The following CEP57L1 variants were observed in gnomAD, a reference collection of about 807,000 sequenced individuals.
CEP57L1 encodes the protein centrosomal protein CEP57L1.
CEP57L1 carries 37 observed loss-of-function variants against 61.0 expected under a neutral mutation model. The observed-to-expected ratio is 0.61, with a 90% CI of 0.47 to 0.80. The LOEUF (loss-of-function observed/expected upper bound fraction) is 0.80, where lower values mean the gene tolerates loss of function less well. CEP57L1 is among the 30% of genes least tolerant of loss of function. The probability of loss-of-function intolerance (pLI) is 0.00; values close to 1 mark genes in which losing one functional copy is unlikely to be tolerated. For missense variants in CEP57L1, 422 were observed against 524.7 expected (o/e 0.80, Z 1.91); for synonymous variants, 137 against 162.3 (o/e 0.84, Z 1.19).
At chr6:109,146,647 C>T (rs894696079) in intron 2 of CEP57L1, 111 bp from the exon 3 acceptor site, 3 of 672,760 alleles carry the variant, frequency 4.5e-6, no homozygotes, top group Non-Finnish European at 4.8e-6. Flanking sequence ...ATTACTTGTA[C>T]ATTTTTCTGG....
chr6:109,154,536 A>G (rs1773016122), intron 5 of CEP57L1, among the ~76,000 whole-genome samples: 1 of 152,008 alleles, frequency 6.6e-6, no homozygotes, highest in South Asian at 2.1e-4. Flanking sequence ...TTCTTTTCAT[A>G]CAATACAGGT....
At chr6:109,130,746 T>C (rs1246889451) in intron 1 of CEP57L1, 1 of 151,904 alleles carries the variant, frequency 6.6e-6, no homozygotes, top group Non-Finnish European at 1.5e-5. Context: ...ATTCAGGTTA[T>C]GCTTTCTGGC....
chr6:109,123,405 TACTTA>T (rs1466248662), intron 1 of CEP57L1, among the ~76,000 whole-genome samples: 2 of 152,214 alleles, frequency 1.3e-5, no homozygotes, highest in African/African-American at 2.4e-5. Context: ...CTGGGCAAGT[TACTTA>T]ACTTCTCAGA....
At chr6:109,112,702 T>C (rs1771807412) in intron 1 of CEP57L1, among the ~76,000 whole-genome samples, 3 of 152,240 alleles carry the variant, frequency 2.0e-5, no homozygotes, top group South Asian at 2.1e-4. Flanking sequence ...GAGATTCTGG[T>C]ACGTTGTGTC....
At chr6:109,131,356 C>A (rs1214923913) in intron 1 of CEP57L1, among the ~76,000 whole-genome samples, 1 of 151,944 alleles carries the variant, frequency 6.6e-6, no homozygotes, top group Admixed American at 6.6e-5. Context: ...ACTGTTTGTT[C>A]TATTATCTGA....
At chr6:109,141,501 A>G (rs998672466) in intron 1 of CEP57L1, among the ~76,000 whole-genome samples, 4 of 152,096 alleles carry the variant, frequency 2.6e-5, no homozygotes, top group African/African-American at 7.2e-5. Context: ...TTCTAACATC[A>G]TTTATTGGAT....
chr6:109,159,937 G>T (rs1773572951), intron 9 of CEP57L1, among the ~76,000 whole-genome samples: 1 of 152,096 alleles, frequency 6.6e-6, no homozygotes, highest in African/African-American at 2.4e-5. Flanking sequence ...TTAGCTGAAT[G>T]AATTATTTCA....
chr6:109,108,758 G>A (rs1771225586), intron 1 of CEP57L1, among the ~76,000 whole-genome samples: 1 of 152,076 alleles, frequency 6.6e-6, no homozygotes, highest in South Asian at 2.1e-4. Context: ...AAAAGGCGAA[G>A]GATTTATATG....
At chr6:109,138,382 A>G (rs1044384147) in intron 1 of CEP57L1, among the ~76,000 whole-genome samples, 41 of 152,154 alleles carry the variant, frequency 2.7e-4, no homozygotes, top group African/African-American at 9.4e-4. Flanking sequence ...TTGAAGGTAG[A>G]GCTAGTATGT....
At chr6:109,106,653 G>T (rs1029265434) in intron 1 of CEP57L1, among the ~76,000 whole-genome samples, 1 of 152,102 alleles carries the variant, frequency 6.6e-6, no homozygotes. Context: ...TCAAGACCAG[G>T]CATGATAGCT....
chr6:109,117,873 C>CT (rs1201253337), intron 1 of CEP57L1, among the ~76,000 whole-genome samples: 1 of 152,184 alleles, frequency 6.6e-6, no homozygotes, highest in Non-Finnish European at 1.5e-5. Flanking sequence ...CTGTGCTCCT[C>CT]TATTTTGGCT....
intron 1 of CEP57L1, among the ~76,000 whole-genome samples, chr6:109,134,969 G>T (rs959150395): frequency 6.6e-6 from 1 of 152,116 alleles, no homozygotes; most frequent in Non-Finnish European, 1.5e-5. Context: ...AATCAATATC[G>T]TGAAAATGGC....
At chr6:109,143,908 T>C (rs1240639286) in intron 1 of CEP57L1, among the ~76,000 whole-genome samples, 1 of 152,154 alleles carries the variant, frequency 6.6e-6, no homozygotes, top group Admixed American at 6.5e-5. Context: ...TACAACCATC[T>C]TCAGGATTTA....
At chr6:109,158,930 T>G in intron 7 of CEP57L1, 95 bp from the exon 8 acceptor site, 1 of 1,252,602 alleles carries the variant, frequency 8.0e-7, no homozygotes, top group East Asian at 2.4e-5. Context: ...CATTTTCCAG[T>G]TGCATTGTTT....
At chr6:109,132,740 C>T (rs1192342532) in intron 1 of CEP57L1, among the ~76,000 whole-genome samples, 5 of 152,068 alleles carry the variant, frequency 3.3e-5, no homozygotes, top group South Asian at 4.1e-4. Flanking sequence ...TACTTATGTT[C>T]TCATAGTTCT....
At chr6:109,159,546 C>A in intron 9 of CEP57L1, 84 bp downstream of exon 9, 2 of 1,301,186 alleles carry the variant, frequency 1.5e-6, no homozygotes, top group Non-Finnish European at 2.1e-6. Flanking sequence ...TGGTTTCAGG[C>A]AATCCTCCTG....
rs765576418 is a variant in CEP57L1, at chr6:109,173,214, T to A, written c.*10244T>A. Among the ~76,000 whole-genome samples, 120 of 152,304 alleles carry A rather than the reference T, an allele frequency of 7.9e-4. 2 individuals carry two copies. Among genetic ancestry groups the A allele is most frequent in the Non-Finnish European group, 6.3e-4 (43 of 68,028 alleles). On this transcript the variant is annotated 3_prime_UTR_variant, in exon 11 of 11. Coordinates refer to ENST00000517392, the MANE Select transcript of CEP57L1 (RefSeq NM_001271852.3). ...TTGTGTCATTTTCTACAGTATTATTTTTGCATTTTCCTGACACTGTATTAC... is the reference window on the plus strand; with the variant it reads ...TTGTGTCATTTTCTACAGTATTATTATTGCATTTTCCTGACACTGTATTAC...
At chr6:109,144,578 T>C (rs1771757986) in intron 1 of CEP57L1, among the ~76,000 whole-genome samples, 1 of 152,094 alleles carries the variant, frequency 6.6e-6, no homozygotes, top group Admixed American at 6.6e-5. Flanking sequence ...AAGGGCTCTC[T>C]TACCAAAACA....
At chr6:109,151,012 A>C (rs936777456) in intron 4 of CEP57L1, among the ~76,000 whole-genome samples, 2 of 152,222 alleles carry the variant, frequency 1.3e-5, no homozygotes, top group Non-Finnish European at 2.9e-5. Flanking sequence ...GAAGATGGTA[A>C]ATATGTGGAT....
Sources: gnomAD v4.1 joint callset for allele counts (sites outside exome capture counted in the v4.1 genomes callset) on GRCh38, gnomAD v4.1.1 for gene constraint, MANE v1.5 for transcripts, NCBI Gene and HGNC (gene_info 2026-07-23, HGNC 2026-07-21) for gene names.